SPATA13: variants seen among roughly 807,000 people sequenced by gnomAD.
SPATA13 encodes the protein spermatogenesis-associated protein 13.
In SPATA13, 50 loss-of-function variants were observed where a neutral mutation model predicts 104.0. The observed-to-expected ratio is 0.48, with a 90% CI of 0.38 to 0.61. SPATA13 has a LOEUF of 0.61. Among genes scored for constraint, SPATA13 ranks in the 20% least tolerant of loss-of-function variants. The probability of loss-of-function intolerance (pLI) is 0.00; values close to 1 mark genes in which losing one functional copy is unlikely to be tolerated. For missense variants in SPATA13, 1,524 were observed against 1,690.6 expected, an observed-to-expected ratio of 0.90 and a Z score of 1.73; for synonymous variants, 606 against 667.5, an observed-to-expected ratio of 0.91 and a Z score of 1.42.
At position 24,277,099 on chromosome 13, in the gene SPATA13, A is replaced by G. The variant is rs190307654; in HGVS notation, c.2165-7036A>G. 2.0e-3 allele frequency among the ~76,000 whole-genome samples: 305 copies of G among 152,352 alleles called. 4 individuals are homozygous for G. The highest frequency in any genetic ancestry group is 3.4e-3 in the Non-Finnish European group (232 of 68,032). On this transcript the variant is annotated intron_variant, in intron 4 of 12. Transcript: ENST00000382108. ...CGTAAAAGAATTTTGTTATGAAGCA[A>G]TAGACAACTCGCATGTCATTTCTTG...
At position 24,289,018 on chromosome 13, in the gene SPATA13, G is replaced by A. The variant is rs531638025; in HGVS notation, c.2687G>A (p.Arg896His). 2.4e-5 allele frequency: 38 copies of A among 1,609,066 alleles called. No homozygotes were observed. Among genetic ancestry groups the A allele is most frequent in the African/African-American group, 2.1e-4 (16 of 74,638 alleles). The change falls in exon 8 of 13, where the codon CGC becomes CAC. Residue 896 changes from arginine (R) to histidine (H), a missense_variant. By Grantham distance (29) the Arg-to-His change is conservative. This residue lies in a region of SPATA13 where 435 missense variants were observed against 554.8 expected (regional missense o/e 0.78). Transcript: ENST00000382108. ...DICEGYIRQC[R>H]KHTGMFTVAQ... ...TTGCAGGGCTATATCCGACAGTGCCGCAAGCACACAGGAATGTTCACCGTT... is the reference window on the plus strand; with the variant it reads ...TTGCAGGGCTATATCCGACAGTGCCACAAGCACACAGGAATGTTCACCGTT...
chr13:24,129,179 C>T (rs79855953), intron 3 of SPATA13, among the ~76,000 whole-genome samples: 149 of 152,342 alleles, frequency 9.8e-4, no homozygotes, highest in African/African-American at 3.5e-3. Context: ...AAGGAACTGT[C>T]CAGACTCTGG....
At chr13:24,082,846 A>T (rs1170822684) in intron 3 of SPATA13, among the ~76,000 whole-genome samples, 3 of 151,030 alleles carry the variant, frequency 2.0e-5, no homozygotes, top group South Asian at 2.1e-4. Context: ...AAAAAAAAAA[A>T]AAAAAAAATA....
chr13:24,172,560 T>A (rs1883020189), intron 1 of SPATA13, among the ~76,000 whole-genome samples: 2 of 152,390 alleles, frequency 1.3e-5, no homozygotes, highest in South Asian at 4.1e-4. Context: ...GTCAGTGTTT[T>A]TTTCTTGGCC....
intron 2 of SPATA13, among the ~76,000 whole-genome samples, chr13:24,246,313 CTA>C (rs1447029129): frequency 6.6e-6 from 1 of 152,160 alleles, no homozygotes; most frequent in Non-Finnish European, 1.5e-5. Flanking sequence ...GTAATTTAAA[CTA>C]TCTTTGTTTT....
At chr13:24,144,730 T>C (rs1316317096) in intron 3 of SPATA13, among the ~76,000 whole-genome samples, 1 of 151,308 alleles carries the variant, frequency 6.6e-6, no homozygotes, top group Non-Finnish European at 1.5e-5. Flanking sequence ...GCGTAGTTGG[T>C]GTTTTCTTGA....
intron 1 of SPATA13, among the ~76,000 whole-genome samples, chr13:24,163,322 A>G (rs1016673336): frequency 1.8e-4 from 28 of 152,276 alleles, no homozygotes; most frequent in African/African-American, 6.5e-4. Flanking sequence ...GGATCTCTTG[A>G]GCCTGGGAGG....
intron 3 of SPATA13, among the ~76,000 whole-genome samples, chr13:24,032,285 G>T (rs1042018945): frequency 6.6e-6 from 1 of 152,072 alleles, no homozygotes; most frequent in Non-Finnish European, 1.5e-5. Flanking sequence ...ATTCAACACT[G>T]AGCCTGCTCT....
At chr13:24,087,569 A>G (rs866764102) in intron 3 of SPATA13, among the ~76,000 whole-genome samples, 1 of 152,212 alleles carries the variant, frequency 6.6e-6, no homozygotes, top group African/African-American at 2.4e-5. Context: ...CCAGCTGCAT[A>G]TCGATGAATG....
chr13:23,991,608 A>G (rs987093978), intron 2 of SPATA13, among the ~76,000 whole-genome samples: 4 of 152,100 alleles, frequency 2.6e-5, no homozygotes, highest in African/African-American at 9.7e-5. Context: ...CTTTTCTCCA[A>G]TGCATTGATA....
intron 1 of SPATA13, among the ~76,000 whole-genome samples, chr13:24,179,993 A>G (rs911662071): frequency 4.6e-5 from 7 of 152,138 alleles, no homozygotes; most frequent in Non-Finnish European, 8.8e-5. Flanking sequence ...TGTTCTTTGC[A>G]TTAAAGTTTT....
intron 3 of SPATA13, among the ~76,000 whole-genome samples, chr13:24,071,744 G>C (rs1879169644): frequency 6.6e-6 from 1 of 152,212 alleles, no homozygotes; most frequent in Non-Finnish European, 1.5e-5. Flanking sequence ...AGGGCATTTA[G>C]TGAGGAGGAG....
Position 24,222,568 on chromosome 13 carries a change from G to A in SPATA13, c.-111-251G>A, listed in dbSNP as rs915000583. ...TTTTTTCCTAGTCTCACCTACACAGGTTCCAGTGAGCTCAGGAGTTTACCT... is the reference window on the plus strand; with the variant it reads ...TTTTTTCCTAGTCTCACCTACACAGATTCCAGTGAGCTCAGGAGTTTACCT... On this transcript the variant is annotated intron_variant, in intron 1 of 12. Coordinates refer to ENST00000382108, the MANE Select transcript of SPATA13 (RefSeq NM_001166271.3). Among the ~76,000 whole-genome samples, 16 of 152,144 alleles carry A rather than the reference G, an allele frequency of 1.1e-4. No individual in the cohort carries two copies. In the South Asian group the frequency reaches 1.4e-3, roughly 14 times the overall value.
At position 24,160,814 on chromosome 13, in the gene SPATA13, C is replaced by T; in HGVS notation, c.-230C>T. 1 of 985,450 alleles carries T rather than the reference C, an allele frequency of 1.0e-6. No homozygotes were observed. The highest frequency in any genetic ancestry group is 1.7e-5 in the African/African-American group (1 of 57,354). The allele number at this position is 985,450 out of a possible 1,614,324, so 61.0% of individuals were successfully genotyped here. A position where few individuals can be genotyped will look rare whatever the true frequency, so the allele number is the denominator to read the frequency against. ...TAGCTCCGAGGGCGCGCACTGGATC[C>T]CAGGCTCCTCCGAGAGTGCGGCGAC... is the stretch of plus-strand genomic sequence containing the variant. On this transcript the variant is annotated 5_prime_UTR_variant, in exon 1 of 13. Transcript: ENST00000382108.
chr13:24,102,248 C>G (rs1880280573), intron 3 of SPATA13, among the ~76,000 whole-genome samples: 1 of 152,108 alleles, frequency 6.6e-6, no homozygotes, highest in Admixed American at 6.6e-5. Flanking sequence ...GAACATCTTT[C>G]CATGTGCCTA....
At chr13:24,174,221 T>C (rs1883118856) in intron 1 of SPATA13, among the ~76,000 whole-genome samples, 1 of 152,204 alleles carries the variant, frequency 6.6e-6, no homozygotes, top group Non-Finnish European at 1.5e-5. Context: ...TCCATTTTGT[T>C]GAAGTTGTCA....
chr13:24,132,159 A>G (rs771974019), intron 3 of SPATA13, among the ~76,000 whole-genome samples: 2 of 152,256 alleles, frequency 1.3e-5, no homozygotes, highest in Admixed American at 6.5e-5. Context: ...AGTAGGAACC[A>G]TCTTAATGCT....
At chr13:24,101,423 A>G (rs372216145) in intron 3 of SPATA13, among the ~76,000 whole-genome samples, 1 of 152,164 alleles carries the variant, frequency 6.6e-6, no homozygotes, top group East Asian at 1.9e-4. Flanking sequence ...CAGCTTGGAT[A>G]CTTTTTTCTT....
intron 1 of SPATA13, among the ~76,000 whole-genome samples, chr13:24,167,366 G>A (rs1294575343): frequency 6.6e-6 from 1 of 152,116 alleles, no homozygotes; most frequent in African/African-American, 2.4e-5. Context: ...CTGAGAGTTG[G>A]GAAGTAAAAC....
Sources: allele counts gnomAD v4.1 joint callset (sites outside exome capture counted in the v4.1 genomes callset), GRCh38; gene constraint gnomAD v4.1.1; regional missense constraint gnomAD v4.1.1; transcripts MANE v1.5; gene names NCBI Gene and HGNC (gene_info 2026-07-23, HGNC 2026-07-21).